The following DGKB variants were observed in gnomAD, a reference collection of about 807,000 sequenced individuals.
The protein encoded by DGKB is 90 kDa diacylglycerol kinase.
Under a neutral mutation model 114.3 loss-of-function variants are expected in DGKB, and 67 were observed. The ratio of observed to expected loss-of-function variants is 0.59; its 90% CI spans 0.48 to 0.72. DGKB has a LOEUF of 0.72. Ranked by LOEUF, DGKB falls within the 30% of genes least tolerant of loss-of-function variation. DGKB has a pLI of 0.00. For missense variants in DGKB, 907 were observed against 975.2 expected (o/e 0.93, Z 0.93); for synonymous variants, 398 against 323.1 (o/e 1.23, Z -2.49).
Position 14,689,935 on chromosome 7 carries a change from T to C in DGKB, c.711+4140A>G, listed in dbSNP as rs547843211. ...TAAACAATCTCAGTCAAAGGCAAAG[T>C]TTAAATGACCTATAAGAATTGAAGA... is the stretch of plus-strand genomic sequence containing the variant. On this transcript the variant is annotated intron_variant, in intron 9 of 25. Transcript: ENST00000402815. 7.9e-5 allele frequency among the ~76,000 whole-genome samples: 12 copies of C among 152,226 alleles called. No individual in the cohort carries two copies. The South Asian group carries it at 2.3e-3, about 29-fold the overall frequency.
In DGKB at chr7:14,718,559, G is replaced by A; in HGVS notation, c.449C>T (p.Pro150Leu). The A allele has an allele frequency of 6.2e-7, 1 of 1,612,124 alleles. No individual in the cohort carries two copies. Among genetic ancestry groups the A allele is most frequent in the Non-Finnish European group, 8.5e-7 (1 of 1,179,174 alleles). The change falls in exon 6 of 26, where the codon CCT becomes CTT. Residue 150 changes from proline to leucine, a missense_variant. Coordinates refer to ENST00000402815, the MANE Select transcript of DGKB (RefSeq NM_001350709.2). ...CYLSLLERGR[P>L]EDKLEFMFRL... is the part of the protein sequence containing the mutation. ...ACACATACACTCAAGCTTATCCTCAGGTCTTCCTCTTTCAAGCAGAGACAG... is the reference window on the plus strand; with the variant it reads ...ACACATACACTCAAGCTTATCCTCAAGTCTTCCTCTTTCAAGCAGAGACAG...
At chr7:14,260,688 A>T (rs1160066936) in intron 23 of DGKB, among the ~76,000 whole-genome samples, 1 of 152,210 alleles carries the variant, frequency 6.6e-6, no homozygotes, top group Non-Finnish European at 1.5e-5. Flanking sequence ...TTCAGGCAAC[A>T]AGGCACTTTT....
At chr7:14,403,109 A>C (rs1823388812) in intron 21 of DGKB, among the ~76,000 whole-genome samples, 1 of 151,736 alleles carries the variant, frequency 6.6e-6, no homozygotes, top group Non-Finnish European at 1.5e-5. Context: ...CACACATTCT[A>C]TTGGTTCTGC....
chr7:14,664,474 G>C (rs930635454), intron 13 of DGKB, among the ~76,000 whole-genome samples: 1 of 151,880 alleles, frequency 6.6e-6, no homozygotes, highest in South Asian at 2.1e-4. Context: ...GGATAAAGCC[G>C]ATCTCCTTGA....
At chr7:14,363,088 G>C (rs1816040562) in intron 21 of DGKB, among the ~76,000 whole-genome samples, 1 of 152,136 alleles carries the variant, frequency 6.6e-6, no homozygotes, top group South Asian at 2.1e-4. Flanking sequence ...CTAGGAGAGG[G>C]AGACACAGTA....
chr7:14,177,896 G>T, intron 24 of DGKB, 135 bp downstream of exon 24: 1 of 891,670 alleles, frequency 1.1e-6, no homozygotes, highest in South Asian at 2.4e-5. Flanking sequence ...CCATTATTTT[G>T]AAATATATTA....
chr7:14,403,429 T>C (rs1486047492), intron 21 of DGKB, among the ~76,000 whole-genome samples: 1 of 151,990 alleles, frequency 6.6e-6, no homozygotes. Context: ...TGATTCTGAA[T>C]AATTGATCAG....
intron 20 of DGKB, among the ~76,000 whole-genome samples, chr7:14,524,681 G>A (rs1170909994): frequency 6.6e-6 from 1 of 151,188 alleles, no homozygotes; most frequent in Admixed American, 6.6e-5. Context: ...TCTTGAGCCT[G>A]GGAGGCAGAA....
At chr7:14,489,125 C>T (rs1006014762) in intron 20 of DGKB, among the ~76,000 whole-genome samples, 7 of 152,106 alleles carry the variant, frequency 4.6e-5, no homozygotes, top group Non-Finnish European at 8.8e-5. Flanking sequence ...ATTTCACAAA[C>T]TCTGCCTGTA....
chr7:14,400,141 A>G (rs1822871176), intron 21 of DGKB, among the ~76,000 whole-genome samples: 2 of 151,892 alleles, frequency 1.3e-5, no homozygotes, highest in African/African-American at 2.4e-5. Context: ...CAAAGAGGAA[A>G]ACACCCTTTA....
chr7:14,316,170 A>C (rs1299792127), intron 23 of DGKB, among the ~76,000 whole-genome samples: 1 of 152,130 alleles, frequency 6.6e-6, no homozygotes, highest in Non-Finnish European at 1.5e-5. Flanking sequence ...AAATACCCAC[A>C]AGAGAAAGCA....
At chr7:14,733,700 C>T (rs141634904) in intron 5 of DGKB, among the ~76,000 whole-genome samples, 21 of 124,288 alleles carry the variant, frequency 1.7e-4, no homozygotes, top group Admixed American at 9.3e-4. Flanking sequence ...AACAAAAGAA[C>T]GAAAGAATGA....
At chr7:14,618,625 CAA>C (rs1413492192) in intron 15 of DGKB, among the ~76,000 whole-genome samples, 1 of 151,526 alleles carries the variant, frequency 6.6e-6, no homozygotes, top group Non-Finnish European at 1.5e-5. Flanking sequence ...TGAGCGATGA[CAA>C]AGACAGAGTG....
At chr7:14,450,140 C>T (rs1428348071) in intron 21 of DGKB, among the ~76,000 whole-genome samples, 1 of 151,704 alleles carries the variant, frequency 6.6e-6, no homozygotes, top group East Asian at 1.9e-4. Flanking sequence ...TAGATGAAAC[C>T]AAGACAATTT....
intron 12 of DGKB, among the ~76,000 whole-genome samples, chr7:14,674,270 A>G (rs1439789517): frequency 1.3e-5 from 2 of 152,154 alleles, no homozygotes; most frequent in East Asian, 1.9e-4. Context: ...TCTATAAAAA[A>G]GTGATTTAAT....
chr7:14,600,147 C>T (rs1803285142), intron 17 of DGKB, among the ~76,000 whole-genome samples: 2 of 152,078 alleles, frequency 1.3e-5, no homozygotes, highest in South Asian at 2.1e-4. Context: ...TTGATGCATC[C>T]ACTCATGGCA....
chr7:14,895,861 A>G (rs562219143), intron 1 of DGKB, among the ~76,000 whole-genome samples: 1 of 151,810 alleles, frequency 6.6e-6, no homozygotes, highest in Non-Finnish European at 1.5e-5. Flanking sequence ...TCCAGCCCTT[A>G]TTTCTTTTCA....
chr7:14,566,993 T>G lies in DGKB; in HGVS notation c.1770+7219A>C, dbSNP rs1200231112. ...ATAATTTTCAAAAATGTTGTATTTG[T>G]GCATTGGTTTTTTGCTTTTTAAAAA... On this transcript the variant is annotated intron_variant, in intron 20 of 25. Coordinates refer to ENST00000402815, the MANE Select transcript of DGKB (RefSeq NM_001350709.2). Among the ~76,000 whole-genome samples the G allele has an allele frequency of 2.7e-5, 4 of 147,020 alleles. No individual in the cohort carries two copies. The East Asian group carries it at 8.0e-4, about 29-fold the overall frequency.
chr7:14,710,268 T>A (rs530196016), intron 6 of DGKB, among the ~76,000 whole-genome samples: 3 of 152,122 alleles, frequency 2.0e-5, no homozygotes, highest in Non-Finnish European at 4.4e-5. Context: ...TTTAAAAATT[T>A]TGATTTGATA....
Sources: gnomAD v4.1 joint callset for allele counts (sites outside exome capture counted in the v4.1 genomes callset) on GRCh38, gnomAD v4.1.1 for gene constraint, MANE v1.5 for transcripts, NCBI Gene and HGNC (gene_info 2026-07-23, HGNC 2026-07-21) for gene names.